EFCAB6: variants seen among roughly 807,000 people sequenced by gnomAD.
The protein encoded by EFCAB6 is EF-hand calcium-binding domain-containing protein 6.
EFCAB6 carries 156 observed loss-of-function variants against 169.8 expected under a neutral mutation model. The observed-to-expected ratio is 0.92, with a 90% CI of 0.81 to 1.05. The LOEUF is 1.05. Ranked by LOEUF, EFCAB6 falls within the 50% of genes least tolerant of loss-of-function variation. EFCAB6 has a pLI of 0.00. For missense variants in EFCAB6, 1,800 were observed against 1,829.1 expected (o/e 0.98, Z 0.29); for synonymous variants, 698 against 676.4 (o/e 1.03, Z -0.50).
intron 10 of EFCAB6, among the ~76,000 whole-genome samples, chr22:43,709,908 G>A (rs751825073): frequency 6.6e-6 from 1 of 152,152 alleles, no homozygotes; most frequent in African/African-American, 2.4e-5. Flanking sequence ...ATTCTCTCTG[G>A]ACATATAGGG....
intron 26 of EFCAB6, among the ~76,000 whole-genome samples, chr22:43,565,556 C>T (rs887146082): frequency 6.6e-6 from 1 of 152,260 alleles, no homozygotes; most frequent in Admixed American, 6.5e-5. Flanking sequence ...TCCAAGATGG[C>T]GGTCACCCAC....
chr22:43,775,419 G>T (rs571774895), intron 3 of EFCAB6, among the ~76,000 whole-genome samples: 1 of 152,092 alleles, frequency 6.6e-6, no homozygotes, highest in Non-Finnish European at 1.5e-5. Flanking sequence ...ATGAGGTCAC[G>T]CAAGCTGCTA....
intron 17 of EFCAB6, among the ~76,000 whole-genome samples, chr22:43,654,907 T>C (rs1456839089): frequency 6.6e-6 from 1 of 152,154 alleles, no homozygotes; most frequent in South Asian, 2.1e-4. Flanking sequence ...AGAGTAAATA[T>C]GTAGATTCAT....
At chr22:43,614,409 C>T (rs2053549719) in intron 21 of EFCAB6, among the ~76,000 whole-genome samples, 1 of 152,136 alleles carries the variant, frequency 6.6e-6, no homozygotes, top group Admixed American at 6.6e-5. Context: ...GGTGCTGGAA[C>T]AACTGGACAT....
At chr22:43,610,393 G>T (rs937778800) in intron 21 of EFCAB6, among the ~76,000 whole-genome samples, 7 of 152,080 alleles carry the variant, frequency 4.6e-5, no homozygotes, top group African/African-American at 1.7e-4. Flanking sequence ...CACAATCAAG[G>T]AAACCTGACC....
Position 43,590,108 on chromosome 22 carries a change from G to C in EFCAB6, c.2998C>G (p.Leu1000Val), listed in dbSNP as rs768553281. The change falls in exon 24 of 32, where the codon CTT becomes GTT. Residue 1000 changes from leucine (L) to valine (V), a missense_variant. Coordinates refer to ENST00000262726, the MANE Select transcript of EFCAB6 (RefSeq NM_022785.4). ...QEVLEECGCS[L>V]TEGELTHLLN... ...AGATGGGTCAGCTCCCCTTCGGTAA[G>C]AGAACATCCACATTCTTCCAGCACT... 1.9e-5 allele frequency: 31 copies of C among 1,614,128 alleles called. No individual in the cohort carries two copies. The highest frequency in any genetic ancestry group is 2.5e-5 in the Non-Finnish European group (30 of 1,179,992).
chr22:43,641,616 C>CAAA (rs36039582), intron 17 of EFCAB6, among the ~76,000 whole-genome samples: 3,467 of 122,028 alleles, frequency 0.028, 134 homozygotes, highest in African/African-American at 0.094. Context: ...AACTCCATCT[C>CAAA]AAAAAAAAAA....
chr22:43,587,584 C>T (rs1454937229), intron 24 of EFCAB6, among the ~76,000 whole-genome samples: 1 of 152,174 alleles, frequency 6.6e-6, no homozygotes, highest in Admixed American at 6.5e-5. Context: ...ATGGCCTTCT[C>T]TTTGTCTGTG....
In EFCAB6 at chr22:43,540,359, T is replaced by A. The variant is rs767937974; in HGVS notation, c.3649-2A>T. The A allele has an allele frequency of 3.1e-6, 5 of 1,613,956 alleles. No homozygotes were observed. In the Admixed American group the frequency reaches 8.3e-5, roughly 27 times the overall value. ...CATCTCGTTCCAGAGTCTGTCAAAC[T>A]GGAGAAGGAGCAGAAGTCATTTCCC... On this transcript the variant is annotated splice_acceptor_variant, in intron 27 of 31. Coordinates refer to ENST00000262726, the MANE Select transcript of EFCAB6 (RefSeq NM_022785.4). LOFTEE classifies it high-confidence loss of function.
intron 2 of EFCAB6, among the ~76,000 whole-genome samples, chr22:43,790,926 T>C (rs2062263075): frequency 6.6e-6 from 1 of 152,040 alleles, no homozygotes; most frequent in Non-Finnish European, 1.5e-5. Flanking sequence ...AAAAGAAAGG[T>C]TGGGTGGAAT....
intron 8 of EFCAB6, among the ~76,000 whole-genome samples, chr22:43,725,302 C>T (rs1045692393): frequency 6.6e-6 from 1 of 152,092 alleles, no homozygotes; most frequent in Admixed American, 6.6e-5. Context: ...CCACCACGCC[C>T]AGCTAATTTT....
intron 23 of EFCAB6, among the ~76,000 whole-genome samples, chr22:43,591,111 GTTTTTTTTT>G (rs67053426): frequency 7.6e-6 from 1 of 131,092 alleles, no homozygotes; most frequent in Non-Finnish European, 1.7e-5. Flanking sequence ...TTTGTTTTTT[GTTTTTTTTT>G]TTTGTTTTTT....
chr22:43,738,519 T>C (rs2060251847), intron 6 of EFCAB6, among the ~76,000 whole-genome samples: 1 of 146,934 alleles, frequency 6.8e-6, no homozygotes, highest in Non-Finnish European at 1.5e-5. Context: ...ACACCATATC[T>C]CACACATATA....
chr22:43,576,429 T>C lies in EFCAB6; in HGVS notation c.3288A>G (p.Gln1096=), dbSNP rs760393803. 1.1e-5 allele frequency: 17 copies of C among 1,601,956 alleles called. No individual in the cohort carries two copies. Among genetic ancestry groups the C allele is most frequent in the Admixed American group, 5.3e-5 (3 of 56,852 alleles). The stretch of plus-strand genomic sequence containing the variant: ...GTTTGTAACAGAAATCCTTAAGAAC[T>C]TGTCCGAATTCTGTAGCCTTTACAA... ...TGFVKATEFG[Q]VLKDFCYKLT... The change falls in exon 26 of 32, where the codon CAA becomes CAG. Residue 1096 remains glutamine, a synonymous_variant. Transcript: ENST00000262726.
chr22:43,679,301 C>T (rs771829745), intron 12 of EFCAB6, among the ~76,000 whole-genome samples: 1 of 152,188 alleles, frequency 6.6e-6, no homozygotes, highest in African/African-American at 2.4e-5. Context: ...TTTTGAGGCT[C>T]ATCCATGTTG....
At chr22:43,790,419 G>A (rs1188676609) in intron 2 of EFCAB6, among the ~76,000 whole-genome samples, 1 of 152,206 alleles carries the variant, frequency 6.6e-6, no homozygotes, top group African/African-American at 2.4e-5. Context: ...GTAAACTCCT[G>A]GACCTTGTGG....
intron 28 of EFCAB6, among the ~76,000 whole-genome samples, chr22:43,539,151 CCCAAAG>C (rs1457055103): frequency 6.7e-6 from 1 of 148,374 alleles, no homozygotes; most frequent in East Asian, 1.9e-4. Flanking sequence ...GGATACTCTC[CCCAAAG>C]CCAGCTGATT....
At chr22:43,790,427 T>G (rs145831287) in intron 2 of EFCAB6, among the ~76,000 whole-genome samples, 222 of 152,382 alleles carry the variant, frequency 1.5e-3, no homozygotes, top group African/African-American at 5.0e-3. Flanking sequence ...CTGGACCTTG[T>G]GGATCTTATA....
At chr22:43,709,794 A>C (rs1039982802) in intron 10 of EFCAB6, among the ~76,000 whole-genome samples, 3 of 152,200 alleles carry the variant, frequency 2.0e-5, no homozygotes, top group Non-Finnish European at 4.4e-5. Context: ...AAATGTCACC[A>C]TGTGTAGACA....
Sources: gnomAD v4.1 joint callset for allele counts (sites outside exome capture counted in the v4.1 genomes callset) on GRCh38, gnomAD v4.1.1 for gene constraint, MANE v1.5 for transcripts, NCBI Gene and HGNC (gene_info 2026-07-23, HGNC 2026-07-21) for gene names.